Variants in DGKG observed in about 807,000 individuals in gnomAD.
DGKG encodes diacylglycerol kinase gamma.
DGKG carries 78 observed loss-of-function variants against 105.3 expected under a neutral mutation model. The ratio of observed to expected loss-of-function variants is 0.74; its 90% confidence interval spans 0.62 to 0.89. The LOEUF (loss-of-function observed/expected upper bound fraction) is 0.89. DGKG is among the 40% of genes least tolerant of loss of function. The pLI is 0.00. For synonymous variants in DGKG, 346 were observed against 367.1 expected (o/e 0.94, Z 0.66); for missense variants, 958 against 1,020.1 (o/e 0.94, Z 0.83).
Position 186,268,787 on chromosome 3 carries a change from G to A in DGKG, c.1116+14C>T. On this transcript the variant is annotated intron_variant, in intron 12 of 24. Coordinates refer to ENST00000265022, the MANE Select transcript of DGKG (RefSeq NM_001346.3). Reference sequence around the variant, plus strand: ...CGTTGAAAAGAAGCAGGGCCGCCCTGGGCGCCAACCCACCGTCATCCGGCA... The same window carrying A: ...CGTTGAAAAGAAGCAGGGCCGCCCTAGGCGCCAACCCACCGTCATCCGGCA... The A allele has an allele frequency of 1.3e-6, 2 of 1,590,500 alleles. No homozygotes were observed. Among genetic ancestry groups the A allele is most frequent in the Non-Finnish European group, 8.6e-7 (1 of 1,159,792 alleles).
chr3:186,185,504 T>C (rs991726949), intron 22 of DGKG, among the ~76,000 whole-genome samples: 1 of 152,152 alleles, frequency 6.6e-6, no homozygotes, highest in African/African-American at 2.4e-5. Context: ...GCACATGATC[T>C]CATCAAGAGC....
chr3:186,161,361 T>G, intron 24 of DGKG: 1 of 1,356,806 alleles, frequency 7.4e-7, no homozygotes, highest in South Asian at 1.6e-5. Flanking sequence ...CTCCTCGAAG[T>G]TGGTTCTATG....
intron 20 of DGKG, among the ~76,000 whole-genome samples, chr3:186,225,932 T>A (rs1719839717): frequency 6.6e-6 from 1 of 152,146 alleles, no homozygotes; most frequent in Non-Finnish European, 1.5e-5. Context: ...TGCAGCAGGG[T>A]GAGAGATGAA....
chr3:186,316,717 C>T (rs1331115332), intron 2 of DGKG, among the ~76,000 whole-genome samples: 1 of 152,204 alleles, frequency 6.6e-6, no homozygotes, highest in Non-Finnish European at 1.5e-5. Context: ...AAGGTGCCAA[C>T]TTTACACTAT....
Position 186,149,759 on chromosome 3 carries a change from A to G in DGKG, c.*331T>C. 2 of 1,062,086 alleles carry G rather than the reference A, an allele frequency of 1.9e-6. No homozygotes were observed. The highest frequency in any genetic ancestry group is 1.1e-6 in the Non-Finnish European group (1 of 878,068). The allele number at this position is 1,062,086 out of a possible 1,614,324, so 65.8% of individuals were successfully genotyped here. On this transcript the variant is annotated 3_prime_UTR_variant, in exon 25 of 25. Transcript: ENST00000265022. Reference sequence around the variant, plus strand: ...AAACTTGCAGGGCTGGTAGAAAGAAAGGGGGATTTCCCTTCAGTCTCAGAA... The same window carrying G: ...AAACTTGCAGGGCTGGTAGAAAGAAGGGGGGATTTCCCTTCAGTCTCAGAA...
At chr3:186,302,460 CTATATATATATATATATA>C (rs58937810) in intron 3 of DGKG, among the ~76,000 whole-genome samples, 1,799 of 48,648 alleles carry the variant, frequency 0.037, 77 homozygotes, top group African/African-American at 0.12. Context: ...GGGAAATGTG[CTATATATATATATATATA>C]TATATATATA....
rs1451299216 is a variant in DGKG, at chr3:186,149,849, C to T, written c.*241G>A. The stretch of plus-strand genomic sequence containing the variant: ...CTAAGCCAGCCACAACCTCATGGGC[C>T]CTAAGTCCATTCAAAATGTTTTGTT... On this transcript the variant is annotated 3_prime_UTR_variant, in exon 25 of 25. Coordinates refer to ENST00000265022, the MANE Select transcript of DGKG (RefSeq NM_001346.3). The T allele has an allele frequency of 2.3e-6, 3 of 1,284,048 alleles. No individual in the cohort carries two copies. The highest frequency in any genetic ancestry group is 3.0e-6 in the Non-Finnish European group (3 of 1,013,938). 79.5% of individuals were successfully genotyped at this position (1,284,048 alleles called of 1,614,324 possible). A position where few individuals can be genotyped will look rare whatever the true frequency, so the allele number is the denominator to read the frequency against.
chr3:186,333,064 T>C (rs1725674552), intron 1 of DGKG, among the ~76,000 whole-genome samples: 1 of 152,176 alleles, frequency 6.6e-6, no homozygotes, highest in South Asian at 2.1e-4. Context: ...AAGAAATAAG[T>C]TCCTTTTCTC....
intron 20 of DGKG, among the ~76,000 whole-genome samples, chr3:186,218,611 G>T (rs1438020071): frequency 3.3e-5 from 5 of 151,964 alleles, no homozygotes; most frequent in Admixed American, 3.3e-4. Context: ...CAGGATGGGA[G>T]GACTCACGTG....
chr3:186,294,862 A>G (rs1302267151), intron 5 of DGKG, among the ~76,000 whole-genome samples: 1 of 152,134 alleles, frequency 6.6e-6, no homozygotes, highest in African/African-American at 2.4e-5. Flanking sequence ...CGAGCCAGCA[A>G]TTTTGTGGAG....
In DGKG at chr3:186,261,528, A is replaced by G. The variant is rs111443182; in HGVS notation, c.1349+171T>C. ...ATTATCTCCATTTTACAGAGGGAGA[A>G]ACCGAGGCCCGGGGACATTAAGTCA... On this transcript the variant is annotated intron_variant, in intron 15 of 24. Transcript: ENST00000265022. Among the ~76,000 whole-genome samples the G allele has an allele frequency of 3.1e-3, 466 of 152,286 alleles. 1 individual carries two copies. The highest frequency in any genetic ancestry group is 5.4e-3 in the Non-Finnish European group (370 of 68,016).
At chr3:186,299,300 C>T (rs1723751085) in intron 3 of DGKG, among the ~76,000 whole-genome samples, 1 of 152,114 alleles carries the variant, frequency 6.6e-6, no homozygotes, top group Non-Finnish European at 1.5e-5. Flanking sequence ...AGCATTTAAC[C>T]CCTTGTCTGT....
At chr3:186,198,432 C>T (rs1047108185) in intron 21 of DGKG, among the ~76,000 whole-genome samples, 3 of 152,288 alleles carry the variant, frequency 2.0e-5, no homozygotes, top group Middle Eastern at 3.4e-3. Flanking sequence ...ACTGATCTAT[C>T]AAGAATGATG....
At chr3:186,302,718 C>A (rs1455027060) in intron 3 of DGKG, among the ~76,000 whole-genome samples, 1 of 151,364 alleles carries the variant, frequency 6.6e-6, no homozygotes, top group Non-Finnish European at 1.5e-5. Flanking sequence ...GGCATGAGTC[C>A]GTATCTTCAA....
At chr3:186,334,959 G>A (rs1725761026) in intron 1 of DGKG, among the ~76,000 whole-genome samples, 1 of 152,098 alleles carries the variant, frequency 6.6e-6, no homozygotes, top group African/African-American at 2.4e-5. Flanking sequence ...TCATTTCACA[G>A]GGCACTCATA....
intron 3 of DGKG, among the ~76,000 whole-genome samples, chr3:186,302,676 G>A (rs1206741336): frequency 1.3e-5 from 2 of 150,488 alleles, no homozygotes; most frequent in Admixed American, 1.3e-4. Context: ...TTAAGTGCAG[G>A]GCACAGTACA....
chr3:186,191,379 C>G (rs753095270), intron 21 of DGKG, among the ~76,000 whole-genome samples: 1 of 152,238 alleles, frequency 6.6e-6, no homozygotes, highest in Admixed American at 6.5e-5. Flanking sequence ...ATTTTTTGAA[C>G]ACTGGAGCCA....
intron 17 of DGKG, among the ~76,000 whole-genome samples, chr3:186,253,749 C>T (rs1175030519): frequency 6.6e-6 from 1 of 152,154 alleles, no homozygotes; most frequent in East Asian, 1.9e-4. Context: ...CTCTATGGCT[C>T]CAAGTCCATT....
intron 5 of DGKG, among the ~76,000 whole-genome samples, chr3:186,290,889 AG>A (rs993715484): frequency 2.6e-5 from 4 of 152,236 alleles, no homozygotes; most frequent in Non-Finnish European, 5.9e-5. Flanking sequence ...GGCTGGGGAA[AG>A]AACTAGGATT....
Sources: gnomAD v4.1 joint callset for allele counts (sites outside exome capture counted in the v4.1 genomes callset) on GRCh38, gnomAD v4.1.1 for gene constraint, MANE v1.5 for transcripts, NCBI Gene and HGNC (gene_info 2026-07-23, HGNC 2026-07-21) for gene names.